MAPK10: variants seen among roughly 807,000 people sequenced by gnomAD.
The protein encoded by MAPK10 is mitogen-activated protein kinase 10.
In MAPK10, 25 loss-of-function variants were observed where a neutral mutation model predicts 59.3. The observed-to-expected ratio is 0.42, with a 90% confidence interval of 0.31 to 0.59. The LOEUF (loss-of-function observed/expected upper bound fraction) is 0.59. Ranked by LOEUF, MAPK10 falls within the 20% of genes least tolerant of loss-of-function variation. MAPK10 has a pLI of 0.15. For missense variants in MAPK10, 351 were observed against 568.9 expected, an observed-to-expected ratio of 0.62 and a Z score of 3.90; for synonymous variants, 190 against 200.5, an observed-to-expected ratio of 0.95 and a Z score of 0.44.
intron 1 of MAPK10, among the ~76,000 whole-genome samples, chr4:86,414,182 C>G (rs1745563567): frequency 6.6e-6 from 1 of 152,074 alleles, no homozygotes; most frequent in African/African-American, 2.4e-5. Context: ...ACCCCTCATC[C>G]ATGATATCCT....
chr4:86,127,978 T>G (rs1045355017), intron 4 of MAPK10, among the ~76,000 whole-genome samples: 1 of 152,044 alleles, frequency 6.6e-6, no homozygotes, highest in African/African-American at 2.4e-5. Flanking sequence ...TTTATTGTAG[T>G]GTTACTCAAA....
chr4:86,442,969 C>T (rs1749586851), intron 1 of MAPK10, among the ~76,000 whole-genome samples: 1 of 152,100 alleles, frequency 6.6e-6, no homozygotes, highest in Admixed American at 6.6e-5. Context: ...CTTTTATGAT[C>T]CATCAGAGAA....
chr4:86,561,261 C>G (rs1393394268), intron 1 of MAPK10, among the ~76,000 whole-genome samples: 1 of 152,106 alleles, frequency 6.6e-6, no homozygotes, highest in African/African-American at 2.4e-5. Flanking sequence ...GATCCATGGC[C>G]TGGGGGATGG....
At chr4:86,467,362 T>G (rs574721418) in intron 1 of MAPK10, among the ~76,000 whole-genome samples, 1 of 152,294 alleles carries the variant, frequency 6.6e-6, no homozygotes, top group African/African-American at 2.4e-5. Flanking sequence ...TAAAATAGGT[T>G]GAGGGGTTTC....
chr4:86,210,614 T>C (rs897016255), intron 2 of MAPK10, among the ~76,000 whole-genome samples: 5 of 151,906 alleles, frequency 3.3e-5, no homozygotes, highest in African/African-American at 1.2e-4. Context: ...ATATCTCATG[T>C]ACACCTATGT....
At chr4:86,403,498 G>A (rs1743974956) in intron 1 of MAPK10, among the ~76,000 whole-genome samples, 1 of 152,004 alleles carries the variant, frequency 6.6e-6, no homozygotes, top group South Asian at 2.1e-4. Context: ...ACTCCAGCCT[G>A]GGCAACAGAG....
At chr4:86,301,740 C>T (rs2095476283) in intron 2 of MAPK10, among the ~76,000 whole-genome samples, 1 of 152,102 alleles carries the variant, frequency 6.6e-6, no homozygotes, top group Non-Finnish European at 1.5e-5. Context: ...AGAACTTATG[C>T]TCCAGAGAGA....
chr4:86,328,767 C>T (rs917603107), intron 2 of MAPK10, among the ~76,000 whole-genome samples: 3 of 152,048 alleles, frequency 2.0e-5, no homozygotes, highest in African/African-American at 7.2e-5. Flanking sequence ...AACCAAACAC[C>T]GCATATTCTC....
intron 3 of MAPK10, among the ~76,000 whole-genome samples, chr4:86,166,409 A>G (rs1413481525): frequency 6.6e-6 from 1 of 152,076 alleles, no homozygotes; most frequent in Non-Finnish European, 1.5e-5. Flanking sequence ...GCATGGTATA[A>G]GGTTATAGAA....
intron 2 of MAPK10, among the ~76,000 whole-genome samples, chr4:86,349,753 T>G (rs1730193065): frequency 6.6e-6 from 1 of 152,214 alleles, no homozygotes; most frequent in South Asian, 2.1e-4. Flanking sequence ...TGCAGATTCT[T>G]AATCAGTGTG....
intron 1 of MAPK10, among the ~76,000 whole-genome samples, chr4:86,469,682 A>C (rs1271397673): frequency 6.6e-6 from 1 of 152,208 alleles, no homozygotes; most frequent in African/African-American, 2.4e-5. Context: ...AATTTTTTAA[A>C]GGGGGCAAAA....
chr4:86,237,236 A>C (rs2148676885), intron 2 of MAPK10, among the ~76,000 whole-genome samples: 1 of 152,226 alleles, frequency 6.6e-6, no homozygotes, highest in Middle Eastern at 3.4e-3. Flanking sequence ...AATATGTACC[A>C]CATTTATCCA....
At chr4:86,271,951 A>G (rs143998870) in intron 2 of MAPK10, among the ~76,000 whole-genome samples, 195 of 152,020 alleles carry the variant, frequency 1.3e-3, no homozygotes, top group African/African-American at 4.5e-3. Flanking sequence ...CCATATCAGT[A>G]CCCAACAGCT....
At chr4:86,503,768 T>C (rs956782548) in intron 1 of MAPK10, among the ~76,000 whole-genome samples, 8 of 152,110 alleles carry the variant, frequency 5.3e-5, no homozygotes, top group African/African-American at 1.9e-4. Context: ...TCATTTGGGG[T>C]AAAATTCAAA....
At chr4:86,479,560 G>A (rs1287202942) in intron 1 of MAPK10, among the ~76,000 whole-genome samples, 2 of 151,080 alleles carry the variant, frequency 1.3e-5, no homozygotes, top group Non-Finnish European at 2.9e-5. Context: ...TAAATGCCCT[G>A]CTCTTATTTA....
At chr4:86,122,958 A>G (rs758345584) in intron 4 of MAPK10, among the ~76,000 whole-genome samples, 21 of 151,990 alleles carry the variant, frequency 1.4e-4, no homozygotes, top group Admixed American at 2.0e-4. Context: ...TGTGGTTCTG[A>G]TAGGTGCTCT....
At chr4:86,105,452 T>C (rs1188119092) in intron 5 of MAPK10, among the ~76,000 whole-genome samples, 1 of 152,108 alleles carries the variant, frequency 6.6e-6, no homozygotes, top group Non-Finnish European at 1.5e-5. Context: ...AACATTTCAG[T>C]CAAGAATGGG....
intron 1 of MAPK10, among the ~76,000 whole-genome samples, chr4:86,480,403 C>A (rs1036911109): frequency 1.3e-5 from 2 of 152,048 alleles, no homozygotes; most frequent in Admixed American, 6.6e-5. Flanking sequence ...ATGACCCCAC[C>A]CCTATCTCTC....
intron 1 of MAPK10, among the ~76,000 whole-genome samples, chr4:86,447,348 G>A (rs1474094446): frequency 6.6e-6 from 1 of 152,076 alleles, no homozygotes; most frequent in Admixed American, 6.6e-5. Context: ...ATTTCCTGAG[G>A]CCTCTGGAGC....
Sources: gnomAD v4.1 joint callset for allele counts (sites outside exome capture counted in the v4.1 genomes callset) on GRCh38, gnomAD v4.1.1 for gene constraint, MANE v1.5 for transcripts, NCBI Gene and HGNC (gene_info 2026-07-23, HGNC 2026-07-21) for gene names.